The following ABL1 variants were observed in gnomAD, a reference collection of about 807,000 sequenced individuals.
The protein encoded by ABL1 is tyrosine-protein kinase ABL1.
Under a neutral mutation model 94.7 loss-of-function variants are expected in ABL1, and 11 were observed. The ratio of observed to expected loss-of-function variants is 0.12; its 90% CI spans 0.07 to 0.19. The LOEUF (loss-of-function observed/expected upper bound fraction) is 0.19. Ranked by LOEUF, ABL1 falls within the 10% of genes least tolerant of loss-of-function variation. ABL1 has a pLI of 1.00. For synonymous variants in ABL1, 656 were observed against 622.4 expected (o/e 1.05, Z -0.80); for missense variants, 1,082 against 1,489.4 (o/e 0.73, Z 4.50).
intron 1 of ABL1, among the ~76,000 whole-genome samples, chr9:130,737,977 T>G (rs950815505): frequency 6.6e-5 from 10 of 151,978 alleles, no homozygotes; most frequent in Non-Finnish European, 1.5e-4. Flanking sequence ...ATTACAGATG[T>G]GCACCGCCAC....
upstream of ABL1, chr9:130,834,859 A>T (rs2987902): frequency 0.18 from 82,253 of 455,630 alleles, 8,903 homozygotes; most frequent in African/African-American, 0.38. Context: ...GCAGAGGAAT[A>T]TGCATTTTCA....
chr9:130,775,751 A>T (rs1045410047), intron 1 of ABL1, among the ~76,000 whole-genome samples: 1 of 152,102 alleles, frequency 6.6e-6, no homozygotes, highest in Non-Finnish European at 1.5e-5. Flanking sequence ...TGGAATTAAA[A>T]AAAAAAAGTC....
Position 130,800,098 on chromosome 9 carries a change from T to C in ABL1, c.137-53966T>C, listed in dbSNP as rs567069386. Among the ~76,000 whole-genome samples, 7 of 151,446 alleles carry C rather than the reference T, an allele frequency of 4.6e-5. No homozygotes were observed. In the South Asian group the frequency reaches 1.3e-3, roughly 27 times the overall value. On this transcript the variant is annotated intron_variant, in intron 1 of 10. Transcript: ENST00000372348. ...CATCTTGGTCAGGCTGGTCTCGAAC[T>C]CCTGACCTCGTGATCCACACGCCTC...
At chr9:130,730,209 A>C (rs7045619) in intron 1 of ABL1, among the ~76,000 whole-genome samples, 48,654 of 150,896 alleles carry the variant, frequency 0.32, 11,394 homozygotes, top group African/African-American at 0.64. Flanking sequence ...AACCCAGCTA[A>C]TTTTGTGTTT....
At chr9:130,757,271 C>T (rs1392448750) in intron 1 of ABL1, among the ~76,000 whole-genome samples, 1 of 152,160 alleles carries the variant, frequency 6.6e-6, no homozygotes, top group Non-Finnish European at 1.5e-5. Flanking sequence ...CTATTGAAAA[C>T]TGAAATTGGC....
chr9:130,786,717 G>A (rs1201789626), intron 1 of ABL1, among the ~76,000 whole-genome samples: 1 of 152,166 alleles, frequency 6.6e-6, no homozygotes, highest in African/African-American at 2.4e-5. Context: ...GCGGCAAGCA[G>A]CTCTGCCAGC....
chr9:130,755,643 A>G (rs984360893), intron 1 of ABL1, among the ~76,000 whole-genome samples: 5 of 152,188 alleles, frequency 3.3e-5, no homozygotes, highest in Non-Finnish European at 7.3e-5. Flanking sequence ...TAAGGCTGTA[A>G]TAATGTATGA....
chr9:130,841,293 G>T (rs186344031), intron 1 of ABL1, among the ~76,000 whole-genome samples: 1 of 151,634 alleles, frequency 6.6e-6, no homozygotes, highest in South Asian at 2.1e-4. Context: ...TACTACAGGC[G>T]CCCGGGGGTT....
At chr9:130,864,887 G>A (rs1180607878) in intron 4 of ABL1, among the ~76,000 whole-genome samples, 2 of 152,186 alleles carry the variant, frequency 1.3e-5, no homozygotes. Flanking sequence ...AATGAAGGAA[G>A]ATTCCAAGCG....
Position 130,885,250 on chromosome 9 carries a change from C to T in ABL1, c.2960C>T (p.Ser987Leu), listed in dbSNP as rs565000284. ...GCCCCCGTTCCCTCCACGTTGCCAT[C>T]AGCATCCTCGGCCCTGGCAGGGGAC... Reference protein sequence around the residue: ...SPAPVPSTLPSASSALAGDQP... With the variant: ...SPAPVPSTLPLASSALAGDQP... The change falls in exon 11 of 11, where the codon TCA (serine) becomes TTA (leucine). Residue 987 changes from serine (S) to leucine (L), a missense_variant. Physicochemically the swap from Ser to Leu is moderately radical, Grantham distance 145 (BLOSUM62 -2). This residue lies in a region of ABL1 where 780 missense variants were observed against 835.8 expected (regional missense o/e 0.93). Transcript: ENST00000318560. 81 of 1,613,900 alleles carry T rather than the reference C, an allele frequency of 5.0e-5. 2 individuals are homozygous for T. In the South Asian group the frequency reaches 8.2e-4, roughly 16 times the overall value.
intron 1 of ABL1, among the ~76,000 whole-genome samples, chr9:130,749,805 T>A (rs950387881): frequency 2.0e-5 from 3 of 152,152 alleles, no homozygotes; most frequent in Non-Finnish European, 2.9e-5. Context: ...AATTGTTGAT[T>A]CGTCTTCATA....
At chr9:130,714,604 T>C in intron 1 of ABL1, 1 of 1,085,058 alleles carries the variant, frequency 9.2e-7, no homozygotes, top group East Asian at 2.4e-5. Flanking sequence ...TGGAACTTTC[T>C]TTGTATAAGA....
In ABL1 at chr9:130,862,157, C is replaced by T. The variant is rs149576991; in HGVS notation, c.550-606C>T. Among the ~76,000 whole-genome samples, 54 of 152,246 alleles carry T rather than the reference C, an allele frequency of 3.5e-4. No homozygotes were observed. Among genetic ancestry groups the T allele is most frequent in the African/African-American group, 1.1e-3 (45 of 41,532 alleles). ...AAATTAAATGAATTCTTCGCTTTTCCTACCAGCAACTACCCACCAAGTTCT... is the reference window on the plus strand; with the variant it reads ...AAATTAAATGAATTCTTCGCTTTTCTTACCAGCAACTACCCACCAAGTTCT... On this transcript the variant is annotated intron_variant, in intron 3 of 10. Transcript: ENST00000318560. The surrounding 1 kb of genome is among the most constrained non-coding windows in gnomAD (Gnocchi z 5.5).
At chr9:130,781,426 A>G (rs1000026635) in intron 1 of ABL1, among the ~76,000 whole-genome samples, 5 of 152,160 alleles carry the variant, frequency 3.3e-5, no homozygotes, top group Non-Finnish European at 7.3e-5. Flanking sequence ...CAATGTCACA[A>G]TAGTTTTCTT....
intron 1 of ABL1, among the ~76,000 whole-genome samples, chr9:130,795,000 T>G (rs1228907091): frequency 6.6e-6 from 1 of 152,198 alleles, no homozygotes; most frequent in Non-Finnish European, 1.5e-5. Context: ...CCATAAATAG[T>G]AGATTAATCT....
At position 130,714,921 on chromosome 9, in the gene ABL1, A is replaced by G. The variant is rs561579388; in HGVS notation, c.136+466A>G. Among the ~76,000 whole-genome samples, 5 of 152,334 alleles carry G rather than the reference A, an allele frequency of 3.3e-5. No homozygotes were observed. In the South Asian group the frequency reaches 1.0e-3, roughly 32 times the overall value. ...AGTTAAGAATCATAGATACTGGTTG[A>G]CGCTAATATCCTTGACCTTTTCCTT... On this transcript the variant is annotated intron_variant, in intron 1 of 10. Coordinates refer to the ABL1 transcript ENST00000372348.
rs148002561 is a variant in ABL1, at chr9:130,850,605, C to A, written c.80-3459C>A. 4.6e-5 allele frequency among the ~76,000 whole-genome samples: 7 copies of A among 152,282 alleles called. No individual in the cohort carries two copies. The East Asian group carries it at 9.7e-4, about 21-fold the overall frequency. On this transcript the variant is annotated intron_variant, in intron 1 of 10. Coordinates refer to ENST00000318560, the MANE Select transcript of ABL1 (RefSeq NM_005157.6). ...TACTACAACCTCTGCCTCCTGTGTT[C>A]AAGCGATTCTCGTGCCTCAGCATCC...
At chr9:130,873,085 A>G in intron 6 of ABL1, 48 bp downstream of exon 6, 1 of 1,574,402 alleles carries the variant, frequency 6.4e-7, no homozygotes, top group South Asian at 1.2e-5. Context: ...CAGGGCGTGG[A>G]GCCGGGCAGC....
At chr9:130,727,755 C>A in intron 1 of ABL1, among the ~76,000 whole-genome samples, 1 of 131,562 alleles carries the variant, frequency 7.6e-6, no homozygotes, top group Non-Finnish European at 1.6e-5. Context: ...GACACCGCCC[C>A]CCCCCCCCAA....
Sources: allele counts gnomAD v4.1 joint callset (sites outside exome capture counted in the v4.1 genomes callset), GRCh38; gene constraint gnomAD v4.1.1; regional missense constraint gnomAD v4.1.1; non-coding constraint Gnocchi (gnomAD v3.1); transcripts MANE v1.5; gene names NCBI Gene and HGNC (gene_info 2026-07-23, HGNC 2026-07-21).